Variants in COL1A2 observed in about 807,000 individuals in gnomAD.
COL1A2 encodes collagen alpha-2(I) chain.
COL1A2 carries 49 observed loss-of-function variants against 174.3 expected under a neutral mutation model. That is an observed-to-expected ratio of 0.28 (90% CI 0.22 to 0.36). COL1A2 has a LOEUF of 0.36. Ranked by LOEUF, COL1A2 falls within the 10% of genes least tolerant of loss-of-function variation. COL1A2 has a pLI of 1.00. For synonymous variants in COL1A2, 655 were observed against 606.6 expected (o/e 1.08, Z -1.17); for missense variants, 1,438 against 1,822.7 (o/e 0.79, Z 3.84).
rs1451480097 is a variant in COL1A2 at position 94,410,587 on chromosome 7, A to G, written c.1197+60A>G. ...CAGAGGCAGATTATGATACCCCTTC[A>G]CTGGGAATTGGTCAAAATTACTGAC... On this transcript the variant is annotated intron_variant, in intron 21 of 51. Coordinates refer to ENST00000297268, the MANE Select transcript of COL1A2 (RefSeq NM_000089.4). The G allele has an allele frequency of 1.1e-5, 16 of 1,399,060 alleles. 1 individual carries two copies. Among genetic ancestry groups the G allele is most frequent in the Middle Eastern group, 2.4e-4 (1 of 4,106 alleles). The allele number at this position is 1,399,060 out of a possible 1,614,324, so 86.7% of individuals were successfully genotyped here. A position where few individuals can be genotyped will look rare whatever the true frequency, so the allele number is the denominator to read the frequency against.
At chr7:94,425,394 T>C (rs1792252154) in intron 42 of COL1A2, 170 bp downstream of exon 42, 6 of 820,654 alleles carry the variant, frequency 7.3e-6, no homozygotes, top group South Asian at 4.9e-5. Context: ...GGCCAAAGAA[T>C]GGGCTTTTCA....
In COL1A2 at chr7:94,420,716, G is replaced by C. The variant is rs540863040; in HGVS notation, c.2295+68G>C. 1.4e-5 allele frequency: 19 copies of C among 1,363,144 alleles called. No homozygotes were observed. The East Asian group carries it at 4.5e-4, about 32-fold the overall frequency. The allele number at this position is 1,363,144 out of a possible 1,614,324, so 84.4% of individuals were successfully genotyped here. A position where few individuals can be genotyped will look rare whatever the true frequency, so the allele number is the denominator to read the frequency against. On this transcript the variant is annotated intron_variant, in intron 37 of 51. Coordinates refer to ENST00000297268, the MANE Select transcript of COL1A2 (RefSeq NM_000089.4). ...AGATCTTCCAATTAAATATATATCC[G>C]TCAAGTGCCTGCTATGCAACAGGGA... is the stretch of plus-strand genomic sequence containing the variant.
chr7:94,417,501 G>A (rs960437817), intron 31 of COL1A2: 26 of 541,144 alleles, frequency 4.8e-5, no homozygotes, highest in Non-Finnish European at 7.4e-5. Flanking sequence ...TAGAGGAATC[G>A]CAGCTGTGCA....
chr7:94,411,068 A>G lies in COL1A2; in HGVS notation c.1264A>G (p.Ser422Gly), dbSNP rs1201866454. The change falls in exon 23 of 52, where the codon AGT becomes GGT. Residue 422 changes from serine (S) to glycine (G), a missense_variant. Around this residue, in one of 3 missense-constraint regions of COL1A2, gnomAD observed 867 missense variants for 1,213.7 expected, o/e 0.71. Coordinates refer to ENST00000297268, the MANE Select transcript of COL1A2 (RefSeq NM_000089.4). ...GRAGVMGPPGSRGASGPAGVR... is the reference protein window; with the variant it reads ...GRAGVMGPPGGRGASGPAGVR... Reference sequence around the variant, plus strand: ...TTTTTTTGAATAGGGCCCTCCTGGTAGTCGTGGTGCAAGTGGCCCTGCTGG... The same window carrying G: ...TTTTTTTGAATAGGGCCCTCCTGGTGGTCGTGGTGCAAGTGGCCCTGCTGG... The G allele has an allele frequency of 1.3e-6, 2 of 1,591,998 alleles. No homozygotes were observed. Among genetic ancestry groups the G allele is most frequent in the African/African-American group, 2.8e-5 (2 of 70,886 alleles).
chr7:94,420,322 C>G, intron 35 of COL1A2, 36 bp downstream of exon 35: 1 of 1,614,102 alleles, frequency 6.2e-7, no homozygotes, highest in Non-Finnish European at 8.5e-7. Flanking sequence ...TATACTCACA[C>G]CTCACAATGT....
At chr7:94,427,552 G>T in intron 48 of COL1A2, 75 bp from the exon 49 acceptor site, 3 of 1,547,250 alleles carry the variant, frequency 1.9e-6, no homozygotes, top group Non-Finnish European at 2.7e-6. Flanking sequence ...AAGCTCAACT[G>T]AAAATCTGCT....
chr7:94,408,012 T>A, intron 13 of COL1A2, 121 bp downstream of exon 13: 1 of 1,192,858 alleles, frequency 8.4e-7, no homozygotes, highest in Non-Finnish European at 1.2e-6. Context: ...GTTTTTCTAA[T>A]AGCCTTCTGA....
chr7:94,410,380 T>C, intron 20 of COL1A2, 40 bp from the exon 21 acceptor site: 2 of 1,569,996 alleles, frequency 1.3e-6, no homozygotes, highest in East Asian at 2.3e-5. Context: ...ATTAAAATTA[T>C]TTTTTTACTC....
chr7:94,429,148 C>A lies in COL1A2; in HGVS notation c.3712-40C>A, dbSNP rs368535442. 3.5e-6 allele frequency: 5 copies of A among 1,410,076 alleles called. No homozygotes were observed. In the African/African-American group the frequency reaches 6.3e-5, roughly 18 times the overall value. The allele number at this position is 1,410,076 out of a possible 1,614,324, so 87.3% of individuals were successfully genotyped here. ...CATGTTTGACTCTTAGTATCTGAGT[C>A]CTTCTCCACTTAACTGGAATTTCAT... On this transcript the variant is annotated intron_variant, in intron 50 of 51. Coordinates refer to ENST00000297268, the MANE Select transcript of COL1A2 (RefSeq NM_000089.4).
At chr7:94,415,613 A>G (rs1792023996) in intron 30 of COL1A2, among the ~76,000 whole-genome samples, 1 of 152,166 alleles carries the variant, frequency 6.6e-6, no homozygotes, top group South Asian at 2.1e-4. Context: ...AATTTTGGCC[A>G]TGTGTGTTGA....
Position 94,418,552 on chromosome 7 carries a change from T to C in COL1A2, c.2025T>C (p.Arg675=), listed in dbSNP as rs745501251. ...GTAACCCTGGCAGAGATGGTGCTCG[T>C]GTGAGTAGAATTTTGTTTGTATGTT... The part of the protein sequence containing the change: ...EIGNPGRDGA[R]GAPGAVGAPG... The change falls in exon 33 of 52, where the codon CGT becomes CGC. Residue 675 remains arginine, a splice_region_variant and synonymous_variant. Transcript: ENST00000297268. The C allele has an allele frequency of 6.2e-7, 1 of 1,613,228 alleles. No individual in the cohort carries two copies. Among genetic ancestry groups the C allele is most frequent in the South Asian group, 1.1e-5 (1 of 90,820 alleles).
At chr7:94,429,123 C>CTTTTTTT in intron 50 of COL1A2, 65 bp from the exon 51 acceptor site, 3 of 538,028 alleles carry the variant, frequency 5.6e-6, no homozygotes, top group South Asian at 8.8e-5. Flanking sequence ...TTTTTTTTTT[C>CTTTTTTT]ATGTTTGACT....
At chr7:94,407,336 T>G (rs1165572838) in intron 12 of COL1A2, among the ~76,000 whole-genome samples, 3 of 79,154 alleles carry the variant, frequency 3.8e-5, no homozygotes, top group African/African-American at 5.2e-5. Context: ...GCCATAGTAT[T>G]AAATCCCACT....
At chr7:94,412,180 T>G in intron 24 of COL1A2, 59 bp downstream of exon 24, 4 of 1,447,842 alleles carry the variant, frequency 2.8e-6, no homozygotes, top group Non-Finnish European at 3.9e-6. Context: ...CCTTATCAAG[T>G]CTATTTTGTG....
At chr7:94,411,271 G>T in intron 23 of COL1A2, 117 bp downstream of exon 23, 1 of 816,758 alleles carries the variant, frequency 1.2e-6, no homozygotes, top group South Asian at 1.5e-5. Flanking sequence ...TAGTAGTCTT[G>T]CTGACAGTTG....
At chr7:94,397,786 A>G (rs369116564) in intron 2 of COL1A2, 28 bp downstream of exon 2, 2 of 1,264,444 alleles carry the variant, frequency 1.6e-6, no homozygotes, top group Non-Finnish European at 2.3e-6. Context: ...TAGAATTTTT[A>G]AAAATACTTT....
At position 94,428,487 on chromosome 7, in the gene COL1A2, C is replaced by T. The variant is rs377171182; in HGVS notation, c.3711+10C>T. Reference sequence around the variant, plus strand: ...CAATGCTGGCAGCCAGGTGAGGAATCCCACAAACACCTCTCCTTCTGCTAA... The same window carrying T: ...CAATGCTGGCAGCCAGGTGAGGAATTCCACAAACACCTCTCCTTCTGCTAA... On this transcript the variant is annotated intron_variant, in intron 50 of 51. Coordinates refer to ENST00000297268, the MANE Select transcript of COL1A2 (RefSeq NM_000089.4). The T allele has an allele frequency of 7.5e-6, 12 of 1,608,604 alleles. No homozygotes were observed. In the African/African-American group the frequency reaches 8.0e-5, roughly 11 times the overall value.
chr7:94,407,542 CTT>C (rs1476074906), intron 12 of COL1A2, among the ~76,000 whole-genome samples: 4 of 152,146 alleles, frequency 2.6e-5, no homozygotes, highest in African/African-American at 4.8e-5. Flanking sequence ...TTTGCCATCT[CTT>C]TTTATGATAT....
intron 49 of COL1A2, 103 bp downstream of exon 49, chr7:94,427,988 T>C: frequency 1.6e-6 from 2 of 1,277,880 alleles, no homozygotes; most frequent in Non-Finnish European, 2.2e-6. Flanking sequence ...GGGTAAAGAT[T>C]ACATTATGTG....
Sources: allele counts gnomAD v4.1 joint callset (sites outside exome capture counted in the v4.1 genomes callset), GRCh38; gene constraint gnomAD v4.1.1; regional missense constraint gnomAD v4.1.1; transcripts MANE v1.5; gene names NCBI Gene and HGNC (gene_info 2026-07-23, HGNC 2026-07-21).